MECOM: variants seen among roughly 807,000 people sequenced by gnomAD.
The protein encoded by MECOM is MDS1 and EVI1 complex locus.
MECOM carries 13 observed loss-of-function variants against 116.3 expected under a neutral mutation model. That is an observed-to-expected ratio of 0.11 (90% CI 0.07 to 0.18). MECOM has a LOEUF of 0.18. MECOM is among the 10% of genes least tolerant of loss of function. The pLI is 1.00. For missense variants in MECOM, 1,299 were observed against 1,509.0 expected (o/e 0.86, Z 2.31); for synonymous variants, 528 against 535.2 (o/e 0.99, Z 0.19).
intron 2 of MECOM, among the ~76,000 whole-genome samples, chr3:169,339,604 G>A (rs972467052): frequency 5.9e-5 from 9 of 152,082 alleles, no homozygotes; most frequent in South Asian, 2.1e-4. Context: ...GGCCCTTCCC[G>A]GAACTACTGC....
chr3:169,198,446 GCT>G (rs954332288), intron 2 of MECOM, among the ~76,000 whole-genome samples: 4 of 151,930 alleles, frequency 2.6e-5, no homozygotes, highest in African/African-American at 4.8e-5. Context: ...ATTATTCTGT[GCT>G]CTCTTTTTGT....
chr3:169,099,530 G>A (rs899892780), intron 12 of MECOM, among the ~76,000 whole-genome samples: 6 of 152,096 alleles, frequency 3.9e-5, no homozygotes, highest in Admixed American at 6.5e-5. Flanking sequence ...TGAGAAAACT[G>A]ATGTTTTAAG....
At chr3:169,249,725 G>A (rs371802252) in intron 2 of MECOM, among the ~76,000 whole-genome samples, 4 of 152,248 alleles carry the variant, frequency 2.6e-5, no homozygotes, top group Admixed American at 1.3e-4. Context: ...GCCAAATAGA[G>A]TTCTAGCATG....
intron 1 of MECOM, among the ~76,000 whole-genome samples, chr3:169,576,838 CAGAG>C (rs59983835): frequency 3.2e-5 from 4 of 125,108 alleles, no homozygotes; most frequent in Admixed American, 8.3e-5. Flanking sequence ...CACACACACA[CAGAG>C]AGAGAGAGAG....
At chr3:169,289,550 G>A (rs1577601701) in intron 2 of MECOM, among the ~76,000 whole-genome samples, 1 of 152,158 alleles carries the variant, frequency 6.6e-6, no homozygotes, top group East Asian at 1.9e-4. Flanking sequence ...AAAACAAAAA[G>A]GGTTGTTTCT....
In MECOM at chr3:169,484,227, CAGAA is replaced by C. The variant is rs1401856207; in HGVS notation, c.38-102707_38-102704del. ...TTTGTAAATATGTGAATGTTTATAA[CAGAA>C]AGAAAGGATGAAGAACAAAGGAAGG... On this transcript the variant is annotated intron_variant, in intron 1 of 16. Coordinates refer to ENST00000651503, the MANE Select transcript of MECOM (RefSeq NM_004991.4). 6.5e-5 allele frequency: 34 copies of C among 521,040 alleles called. No homozygotes were observed. In the South Asian group the frequency reaches 9.1e-4, roughly 14 times the overall value. 32.3% of individuals were successfully genotyped at this position (521,040 alleles called of 1,614,324 possible).
At chr3:169,488,482 G>T (rs903834615) in intron 1 of MECOM, among the ~76,000 whole-genome samples, 10 of 151,852 alleles carry the variant, frequency 6.6e-5, no homozygotes, top group African/African-American at 2.4e-4. Context: ...AGAAGCAAAG[G>T]TTGCTGTGAA....
intron 7 of MECOM, among the ~76,000 whole-genome samples, chr3:169,118,306 CACA>C (rs1417952656): frequency 6.6e-6 from 1 of 152,090 alleles, no homozygotes; most frequent in Non-Finnish European, 1.5e-5. Context: ...TGGGATGAAT[CACA>C]ACGTTACAGA....
chr3:169,573,752 C>T (rs1348867750), intron 1 of MECOM, among the ~76,000 whole-genome samples: 3 of 151,996 alleles, frequency 2.0e-5, no homozygotes, highest in Non-Finnish European at 4.4e-5. Flanking sequence ...TAATAAAAAC[C>T]ATACAATTTC....
At chr3:169,227,452 G>A (rs1752872044) in intron 2 of MECOM, among the ~76,000 whole-genome samples, 1 of 152,084 alleles carries the variant, frequency 6.6e-6, no homozygotes, top group African/African-American at 2.4e-5. Context: ...ATGCCCTATA[G>A]AGTAAATGTT....
chr3:169,118,907 A>G (rs1215017548), intron 7 of MECOM, among the ~76,000 whole-genome samples: 2 of 152,196 alleles, frequency 1.3e-5, no homozygotes, highest in Non-Finnish European at 2.9e-5. Context: ...CTGGCATACC[A>G]CAAACTACCA....
chr3:169,342,471 C>T (rs926801006), intron 2 of MECOM, among the ~76,000 whole-genome samples: 1 of 152,066 alleles, frequency 6.6e-6, no homozygotes, highest in Non-Finnish European at 1.5e-5. Flanking sequence ...ATTATCACTA[C>T]AGCAATCTAT....
intron 2 of MECOM, among the ~76,000 whole-genome samples, chr3:169,350,170 C>T (rs1726074322): frequency 6.6e-6 from 1 of 151,834 alleles, no homozygotes; most frequent in Non-Finnish European, 1.5e-5. Context: ...GCTTGTTATT[C>T]TCTTACACTT....
chr3:169,190,918 T>C (rs887415798), intron 2 of MECOM, among the ~76,000 whole-genome samples: 1 of 152,032 alleles, frequency 6.6e-6, no homozygotes, highest in Non-Finnish European at 1.5e-5. Context: ...AATGTGTATC[T>C]ACCCTTACTA....
intron 2 of MECOM, among the ~76,000 whole-genome samples, chr3:169,191,922 A>G (rs1017123478): frequency 6.6e-6 from 1 of 152,018 alleles, no homozygotes; most frequent in Non-Finnish European, 1.5e-5. Flanking sequence ...AAAAGTGGAA[A>G]AAAAGAAGCA....
intron 1 of MECOM, among the ~76,000 whole-genome samples, chr3:169,635,017 T>C (rs1432831064): frequency 1.3e-5 from 2 of 152,076 alleles, no homozygotes; most frequent in Non-Finnish European, 2.9e-5. Context: ...GACCACAGTG[T>C]TCTGGGTGCT....
At chr3:169,582,495 C>T (rs1765234329) in intron 1 of MECOM, among the ~76,000 whole-genome samples, 1 of 152,042 alleles carries the variant, frequency 6.6e-6, no homozygotes, top group African/African-American at 2.4e-5. Flanking sequence ...AAAGGGAGAA[C>T]CCTAAAAGAA....
chr3:169,585,723 T>C (rs1401668366), intron 1 of MECOM, among the ~76,000 whole-genome samples: 1 of 152,046 alleles, frequency 6.6e-6, no homozygotes, highest in African/African-American at 2.4e-5. Flanking sequence ...GGGTAGGGAG[T>C]TTTATCTGCT....
At chr3:169,652,120 T>C (rs1774997381) in intron 1 of MECOM, among the ~76,000 whole-genome samples, 1 of 152,106 alleles carries the variant, frequency 6.6e-6, no homozygotes, top group South Asian at 2.1e-4. Context: ...CATTCAACCA[T>C]TTAGAAATTT....
Sources: gnomAD v4.1 joint callset for allele counts (sites outside exome capture counted in the v4.1 genomes callset) on GRCh38, gnomAD v4.1.1 for gene constraint, MANE v1.5 for transcripts, NCBI Gene and HGNC (gene_info 2026-07-23, HGNC 2026-07-21) for gene names.